Variants in TMEM132B observed in about 807,000 individuals in gnomAD.
TMEM132B encodes the protein transmembrane protein 132B.
Under a neutral mutation model 90.8 loss-of-function variants are expected in TMEM132B, and 18 were observed. The ratio of observed to expected loss-of-function variants is 0.20; its 90% CI spans 0.14 to 0.29. The LOEUF (loss-of-function observed/expected upper bound fraction) is 0.29, where lower values mean the gene tolerates loss of function less well. Among genes scored for constraint, TMEM132B ranks in the 10% least tolerant of loss-of-function variants. TMEM132B has a pLI of 1.00. For missense variants in TMEM132B, 1,096 were observed against 1,326.8 expected, an observed-to-expected ratio of 0.83 and a Z score of 2.70; for synonymous variants, 504 against 523.3, an observed-to-expected ratio of 0.96 and a Z score of 0.50.
chr12:125,576,045 T>A (rs961452251), intron 4 of TMEM132B, among the ~76,000 whole-genome samples: 3 of 152,086 alleles, frequency 2.0e-5, no homozygotes, highest in Non-Finnish European at 2.9e-5. Context: ...GCAATTACAT[T>A]GAATCTATAT....
At chr12:125,280,428 G>T (rs754467693) in intron 1 of TMEM132B, among the ~76,000 whole-genome samples, 4 of 152,224 alleles carry the variant, frequency 2.6e-5, no homozygotes, top group Non-Finnish European at 4.4e-5. Context: ...TTAACGGAGG[G>T]TGTATCAGTG....
intron 3 of TMEM132B, among the ~76,000 whole-genome samples, chr12:125,474,276 C>G (rs575689180): frequency 7.0e-6 from 1 of 141,938 alleles, no homozygotes; most frequent in Admixed American, 6.9e-5. Context: ...CCCTCCCTCC[C>G]CTCCCCTCCC....
intron 4 of TMEM132B, among the ~76,000 whole-genome samples, chr12:125,539,520 T>A (rs1283369262): frequency 6.6e-6 from 1 of 152,238 alleles, no homozygotes; most frequent in Non-Finnish European, 1.5e-5. Context: ...TGGTTACACA[T>A]GTGTTTGGCA....
At chr12:125,285,558 T>C (rs1437203743) in intron 1 of TMEM132B, among the ~76,000 whole-genome samples, 1 of 152,146 alleles carries the variant, frequency 6.6e-6, no homozygotes, top group East Asian at 1.9e-4. Context: ...AAGCATGATG[T>C]GGAGATTTCA....
chr12:125,457,697 G>A (rs953502606), intron 3 of TMEM132B, among the ~76,000 whole-genome samples: 1 of 152,194 alleles, frequency 6.6e-6, no homozygotes, highest in Non-Finnish European at 1.5e-5. Flanking sequence ...TGCAAGGGAA[G>A]GGCTGGAAGG....
intron 3 of TMEM132B, among the ~76,000 whole-genome samples, chr12:125,471,286 A>G (rs1203655292): frequency 6.6e-6 from 1 of 152,122 alleles, no homozygotes; most frequent in East Asian, 1.9e-4. Context: ...GGTCATATGT[A>G]TGGGGGACAG....
At chr12:125,647,858 TTAGGA>T (rs1443247786) in intron 6 of TMEM132B, among the ~76,000 whole-genome samples, 2 of 151,886 alleles carry the variant, frequency 1.3e-5, no homozygotes, top group Non-Finnish European at 2.9e-5. Flanking sequence ...GATGTGGTAC[TTAGGA>T]TAGACAGAAA....
chr12:125,451,195 A>G (rs1360641390), intron 3 of TMEM132B, among the ~76,000 whole-genome samples: 1 of 152,206 alleles, frequency 6.6e-6, no homozygotes, highest in Non-Finnish European at 1.5e-5. Flanking sequence ...AGTTAATTAG[A>G]TATAAGTATT....
At position 125,460,773 on chromosome 12, in the gene TMEM132B, C is replaced by T. The variant is rs964116522; in HGVS notation, c.1106+45096C>T. On this transcript the variant is annotated intron_variant, in intron 3 of 8. Coordinates refer to ENST00000682704, the MANE Select transcript of TMEM132B (RefSeq NM_001366854.1). The surrounding 1 kb of genome is among the most constrained non-coding windows in gnomAD (Gnocchi z 4.4). ...TTTTGAGGACCCACTATTAGCTGCTCATCTACAGGGAAGATCCTGGAAAAT... is the reference window on the plus strand; with the variant it reads ...TTTTGAGGACCCACTATTAGCTGCTTATCTACAGGGAAGATCCTGGAAAAT... 7.9e-5 allele frequency among the ~76,000 whole-genome samples: 12 copies of T among 152,328 alleles called. No individual in the cohort carries two copies. Among genetic ancestry groups the T allele is most frequent in the African/African-American group, 2.9e-4 (12 of 41,578 alleles).
intron 1 of TMEM132B, among the ~76,000 whole-genome samples, chr12:125,260,848 C>T (rs1874548748): frequency 6.6e-6 from 1 of 152,006 alleles, no homozygotes; most frequent in South Asian, 2.1e-4. Context: ...CCCGGGAGGT[C>T]GAGGATGCCG....
chr12:125,329,860 A>C (rs1876710286), intron 1 of TMEM132B, among the ~76,000 whole-genome samples: 1 of 152,236 alleles, frequency 6.6e-6, no homozygotes, highest in Non-Finnish European at 1.5e-5. Flanking sequence ...AAAGGGAAGA[A>C]AAAGCCCTTT....
At chr12:125,575,351 T>A (rs143539400) in intron 4 of TMEM132B, among the ~76,000 whole-genome samples, 66 of 151,998 alleles carry the variant, frequency 4.3e-4, no homozygotes, top group African/African-American at 1.5e-3. Context: ...GCCACTTGTA[T>A]TAATATATCT....
rs959449177 is a variant in TMEM132B, at chr12:125,660,956, G to A, written c.*6246G>A. 3 of 152,256 alleles carry A rather than the reference G, an allele frequency of 2.0e-5. No individual in the cohort carries two copies. The highest frequency in any genetic ancestry group is 7.2e-5 in the African/African-American group (3 of 41,538). The allele number at this position is 152,256 out of a possible 1,614,324, so 9.4% of individuals were successfully genotyped here. On this transcript the variant is annotated 3_prime_UTR_variant, in exon 9 of 9. Coordinates refer to ENST00000682704, the MANE Select transcript of TMEM132B (RefSeq NM_001366854.1). ...AGATGGATGCCGCTTTGGGATTTGG[G>A]GTCTATGTAATGCTGATTTTTTTCA... is the stretch of plus-strand genomic sequence containing the variant.
At chr12:125,336,635 TTCC>T (rs1257880937) in intron 1 of TMEM132B, among the ~76,000 whole-genome samples, 11 of 152,222 alleles carry the variant, frequency 7.2e-5, no homozygotes, top group African/African-American at 2.7e-4. Context: ...ACCTGTGACA[TTCC>T]TATACATGCA....
At chr12:125,632,782 G>A (rs961141589) in intron 5 of TMEM132B, among the ~76,000 whole-genome samples, 1 of 151,910 alleles carries the variant, frequency 6.6e-6, no homozygotes, top group Non-Finnish European at 1.5e-5. Flanking sequence ...AGGCTCCATT[G>A]TATGTTATTT....
At chr12:125,356,018 G>C (rs1877760485) in intron 2 of TMEM132B, among the ~76,000 whole-genome samples, 2 of 152,166 alleles carry the variant, frequency 1.3e-5, no homozygotes, top group Non-Finnish European at 2.9e-5. Context: ...CTGGTGGCAG[G>C]GAAGTGCCAG....
intron 3 of TMEM132B, among the ~76,000 whole-genome samples, chr12:125,477,268 ATG>A (rs1281961272): frequency 1.3e-5 from 2 of 152,136 alleles, no homozygotes; most frequent in Admixed American, 6.5e-5. Context: ...AGGTGTCTGA[ATG>A]GATTATGAAA....
Position 125,460,881 on chromosome 12 carries a change from C to A in TMEM132B, c.1106+45204C>A, listed in dbSNP as rs1320813792. ...GACAATGAAACATATTGTTTGTTGTCATCATGAAAGTTTTAAAAAAGATCT... is the reference window on the plus strand; with the variant it reads ...GACAATGAAACATATTGTTTGTTGTAATCATGAAAGTTTTAAAAAAGATCT... On this transcript the variant is annotated intron_variant, in intron 3 of 8. Coordinates refer to ENST00000682704, the MANE Select transcript of TMEM132B (RefSeq NM_001366854.1). The surrounding 1 kb of genome is among the most constrained non-coding windows in gnomAD (Gnocchi z 4.4). Among the ~76,000 whole-genome samples, 2 of 152,202 alleles carry A rather than the reference C, an allele frequency of 1.3e-5. No homozygotes were observed. Among genetic ancestry groups the A allele is most frequent in the Non-Finnish European group, 2.9e-5 (2 of 68,036 alleles).
At chr12:125,321,262 A>C (rs1404499790) in intron 1 of TMEM132B, among the ~76,000 whole-genome samples, 1 of 152,182 alleles carries the variant, frequency 6.6e-6, no homozygotes, top group Non-Finnish European at 1.5e-5. Flanking sequence ...TCAAACTTTT[A>C]CATTTTGTGT....
Sources: gnomAD v4.1 joint callset for allele counts (sites outside exome capture counted in the v4.1 genomes callset) on GRCh38, gnomAD v4.1.1 for gene constraint, Gnocchi (gnomAD v3.1) non-coding constraint, MANE v1.5 for transcripts, NCBI Gene and HGNC (gene_info 2026-07-23, HGNC 2026-07-21) for gene names.